CPZ: variants seen among roughly 807,000 people sequenced by gnomAD.
CPZ encodes VEZT/CPZ fusion.
CPZ carries 103 observed loss-of-function variants against 61.8 expected under a neutral mutation model. That is an observed-to-expected ratio of 1.67 (90% CI 1.42 to 1.96). The LOEUF is 1.96. CPZ is among the 30% of genes most tolerant of loss of function. The pLI is 0.00. For synonymous variants in CPZ, 551 were observed against 373.7 expected, an observed-to-expected ratio of 1.47 and a Z score of -5.47; for missense variants, 1,461 against 914.9, an observed-to-expected ratio of 1.60 and a Z score of -7.70.
intron 6 of CPZ, among the ~76,000 whole-genome samples, 184 bp from the exon 7 acceptor site, chr4:8,607,083 A>T (rs1011065262): frequency 2.0e-5 from 3 of 152,154 alleles, no homozygotes; most frequent in African/African-American, 7.2e-5. Context: ...TCAGAGATTC[A>T]TGTTGGAAAC....
chr4:8,610,742 GGGGCTGCT>G (rs1715582643), intron 7 of CPZ, among the ~76,000 whole-genome samples: 2 of 152,204 alleles, frequency 1.3e-5, no homozygotes, highest in Non-Finnish European at 2.9e-5. Flanking sequence ...CACAGGTGCA[GGGGCTGCT>G]GGCAGGATAG....
At chr4:8,613,870 T>C (rs1184276646) in intron 8 of CPZ, among the ~76,000 whole-genome samples, 1 of 152,192 alleles carries the variant, frequency 6.6e-6, no homozygotes, top group Non-Finnish European at 1.5e-5. Flanking sequence ...AGCGTCTGGG[T>C]AAATGGACAT....
At position 8,619,362 on chromosome 4, in the gene CPZ, C is replaced by A. The variant is rs34486568; in HGVS notation, c.1704C>A (p.Pro568=). The change falls in exon 11 of 11, where the codon CCC becomes CCA. Residue 568 remains proline (P), a synonymous_variant. Transcript: ENST00000360986. ...AAGTCATCAAGAAAGTCATCATCCC[C>A]GCCCGGATGAAGAGGGCTGGCCGTG... is the stretch of plus-strand genomic sequence containing the variant. The part of the protein sequence containing the change: ...YAKVIKKVII[P]ARMKRAGRVD... 29 of 1,614,192 alleles carry A rather than the reference C, an allele frequency of 1.8e-5. No individual in the cohort carries two copies. The African/African-American group carries it at 3.1e-4, about 17-fold the overall frequency.
rs571611267 is a variant in CPZ at position 8,614,853 on chromosome 4, G to A, written c.1503+355G>A. On this transcript the variant is annotated intron_variant, in intron 9 of 10. Coordinates refer to ENST00000360986, the MANE Select transcript of CPZ (RefSeq NM_001014447.3). ...GGGGGGCTTCCTGGAGGAGGCAGCCGCAGGGCTTCATCTTGAAGAAGGGTA... is the reference window on the plus strand; with the variant it reads ...GGGGGGCTTCCTGGAGGAGGCAGCCACAGGGCTTCATCTTGAAGAAGGGTA... Among the ~76,000 whole-genome samples, 8 of 151,996 alleles carry A rather than the reference G, an allele frequency of 5.3e-5. No homozygotes were observed. The East Asian group carries it at 5.9e-4, about 11-fold the overall frequency.
At chr4:8,600,811 A>G (rs1207688331) in intron 2 of CPZ, 3 of 592,348 alleles carry the variant, frequency 5.1e-6, no homozygotes, top group African/African-American at 1.9e-5. Context: ...CTAATGCAGC[A>G]TCAGCTGGCT....
Position 8,612,186 on chromosome 4 carries a change from TG to T in CPZ, c.1363+27del, listed in dbSNP as rs1553878410. The stretch of plus-strand genomic sequence containing the variant: ...AGGTGCGGCTTCCGCAGGGCGGGAC[TG>T]GGCGGGGGGTGGGGGGTGCAGGGGC... On this transcript the variant is annotated intron_variant, in intron 8 of 10. Coordinates refer to ENST00000360986, the MANE Select transcript of CPZ (RefSeq NM_001014447.3). 8.3e-3 allele frequency: 1,489 copies of T among 179,610 alleles called. 7 individuals carry two copies. Among genetic ancestry groups the T allele is most frequent in the South Asian group, 0.016 (62 of 3,778 alleles). 11.1% of individuals were successfully genotyped at this position (179,610 alleles called of 1,614,324 possible).
At position 8,618,465 on chromosome 4, in the gene CPZ, T is replaced by G. The variant is rs140681534; in HGVS notation, c.1540T>G (p.Phe514Val). Residue 514 changes from phenylalanine (F) to valine (V), a missense_variant, in exon 10 of 11, where the codon TTC becomes GTC. Physicochemically the swap from Phe to Val is conservative, Grantham distance 50. Coordinates refer to ENST00000360986, the MANE Select transcript of CPZ (RefSeq NM_001014447.3). ...RGIKGVVTDK[F>V]GKPVKNARIS... ...CATCAAAGGTGTGGTGACAGATAAA[T>G]TCGGCAAGCCAGTCAAAAACGCCCG... 1 of 1,614,208 alleles carries G rather than the reference T, an allele frequency of 6.2e-7. No homozygotes were observed. Among genetic ancestry groups the G allele is most frequent in the Non-Finnish European group, 8.5e-7 (1 of 1,180,036 alleles).
rs191898319 is a variant in CPZ at position 8,593,125 on chromosome 4, C to T, written c.88+204C>T. ...CCTGGACGGGGACACCAGGGAGGCTCTCTACGGCATCCAGGCCGGGACCCC... is the reference window on the plus strand; with the variant it reads ...CCTGGACGGGGACACCAGGGAGGCTTTCTACGGCATCCAGGCCGGGACCCC... On this transcript the variant is annotated intron_variant, in intron 1 of 10. Transcript: ENST00000360986. Among the ~76,000 whole-genome samples the T allele has an allele frequency of 3.5e-4, 54 of 152,286 alleles. 1 individual carries two copies. Among genetic ancestry groups the T allele is most frequent in the African/African-American group, 1.3e-3 (53 of 41,566 alleles).
chr4:8,615,387 C>G (rs1244232917), intron 9 of CPZ, among the ~76,000 whole-genome samples: 1 of 152,220 alleles, frequency 6.6e-6, no homozygotes, highest in African/African-American at 2.4e-5. Context: ...ACAGGGAAGG[C>G]AGCCTGCGTT....
intron 3 of CPZ, chr4:8,603,591 G>GTAGAT: frequency 1.1e-5 from 3 of 266,720 alleles, no homozygotes; most frequent in Admixed American, 5.1e-5. Flanking sequence ...CTGCCTGAGT[G>GTAGAT]CCACTGTCAT....
intron 1 of CPZ, among the ~76,000 whole-genome samples, 178 bp downstream of exon 1, chr4:8,593,099 C>G (rs1052066693): frequency 6.6e-6 from 1 of 152,174 alleles, no homozygotes. Context: ...GTGACCTCTC[C>G]CCTGGACGGG....
intron 5 of CPZ, 51 bp downstream of exon 5, chr4:8,606,236 T>C: frequency 4.6e-6 from 7 of 1,528,588 alleles, no homozygotes; most frequent in Non-Finnish European, 6.2e-6. Context: ...AACCACCCCC[T>C]CATTCATCCA....
chr4:8,618,317 T>C, intron 9 of CPZ, 112 bp from the exon 10 acceptor site: 2 of 913,958 alleles, frequency 2.2e-6, no homozygotes, highest in Admixed American at 4.0e-5. Context: ...CTCTGTGGGG[T>C]AGTTCCCCCT....
intron 7 of CPZ, among the ~76,000 whole-genome samples, chr4:8,609,185 CATTCA>C (rs1715377882): frequency 1.5e-5 from 1 of 65,836 alleles, no homozygotes. Context: ...TTCACTCAGG[CATTCA>C]CTCACTCCCT....
At chr4:8,608,628 G>C (rs1316019467) in intron 7 of CPZ, among the ~76,000 whole-genome samples, 2 of 152,218 alleles carry the variant, frequency 1.3e-5, no homozygotes, top group Admixed American at 6.5e-5. Context: ...GCTGCAGGAG[G>C]GCTGTGAGTG....
chr4:8,614,094 C>T (rs1042959246), intron 8 of CPZ, among the ~76,000 whole-genome samples: 4 of 152,232 alleles, frequency 2.6e-5, no homozygotes, highest in African/African-American at 7.2e-5. Context: ...TGCCTCATGC[C>T]GCCATCTGCG....
chr4:8,601,286 G>T lies in CPZ; in HGVS notation c.285G>T (p.Pro95=), dbSNP rs758490455. ...AGCTCCTGGAAGGCCAGTGCAACCC[G>T]GACCTGCGGCTGCTGGGCTGTGCTG... ...LHQLLEGQCN[P]DLRLLGCAVL... The change falls in exon 3 of 11, where the codon CCG becomes CCT. Residue 95 remains proline, a synonymous_variant. Transcript: ENST00000360986. The T allele has an allele frequency of 8.7e-6, 14 of 1,613,366 alleles. No individual in the cohort carries two copies. Among genetic ancestry groups the T allele is most frequent in the Middle Eastern group, 1.6e-4 (1 of 6,062 alleles).
At chr4:8,613,512 G>T (rs1425884544) in intron 8 of CPZ, among the ~76,000 whole-genome samples, 1 of 152,242 alleles carries the variant, frequency 6.6e-6, no homozygotes, top group Non-Finnish European at 1.5e-5. Flanking sequence ...GACGGTGACT[G>T]TGGCTACACT....
In CPZ at chr4:8,599,474, C is replaced by A. The variant is rs1325521213; in HGVS notation, c.110C>A (p.Ala37Asp). The A allele has an allele frequency of 1.2e-6, 2 of 1,612,780 alleles. No homozygotes were observed. Among genetic ancestry groups the A allele is most frequent in the Non-Finnish European group, 8.5e-7 (1 of 1,179,114 alleles). ...NPAGECHRPP[A>D]ADSATCVDLQ... ...CCAGGTGAATGCCACAGGCCACCAG[C>A]TGCAGACAGCGGTACAGTACCGGGA... Residue 37 changes from alanine (A) to aspartate (D), a missense_variant, in exon 2 of 11, where the codon GCT (alanine) becomes GAT (aspartate). Ala to Asp is a moderately radical substitution (Grantham distance 126). Coordinates refer to ENST00000360986, the MANE Select transcript of CPZ (RefSeq NM_001014447.3).
Sources: gnomAD v4.1 joint callset for allele counts (sites outside exome capture counted in the v4.1 genomes callset) on GRCh38, gnomAD v4.1.1 for gene constraint, MANE v1.5 for transcripts, NCBI Gene and HGNC (gene_info 2026-07-23, HGNC 2026-07-21) for gene names.